Variants in SNX24 observed in about 807,000 individuals in gnomAD.
SNX24 encodes sorting nexin-24.
In SNX24, 22 loss-of-function variants were observed where a neutral mutation model predicts 28.7. The observed-to-expected ratio is 0.77, with a 90% CI of 0.55 to 1.10. The LOEUF is 1.10. Among genes scored for constraint, SNX24 ranks in the 50% least tolerant of loss-of-function variants. The pLI, the probability that SNX24 is intolerant of heterozygous loss-of-function variation, is 0.00. For missense variants in SNX24, 221 were observed against 201.1 expected (o/e 1.10, Z -0.60); for synonymous variants, 69 against 71.5 (o/e 0.96, Z 0.18).
intron 3 of SNX24, among the ~76,000 whole-genome samples, chr5:122,963,531 A>G (rs1760573288): frequency 6.6e-6 from 1 of 152,206 alleles, no homozygotes. Flanking sequence ...TTCTGTGAAT[A>G]TTAGTCCTTT....
chr5:122,886,794 C>T (rs1171114443), intron 1 of SNX24, among the ~76,000 whole-genome samples: 1 of 151,614 alleles, frequency 6.6e-6, no homozygotes, highest in Non-Finnish European at 1.5e-5. Context: ...CACGCCATTG[C>T]ACTCCAGCCT....
chr5:122,884,700 G>GA (rs1318441114), intron 1 of SNX24, among the ~76,000 whole-genome samples: 5 of 152,312 alleles, frequency 3.3e-5, no homozygotes, highest in African/African-American at 7.2e-5. Flanking sequence ...GGGATTAGGA[G>GA]AAAGGTTCTG....
At chr5:122,882,948 G>C (rs1756545909) in intron 1 of SNX24, among the ~76,000 whole-genome samples, 2 of 152,158 alleles carry the variant, frequency 1.3e-5, no homozygotes, top group Non-Finnish European at 2.9e-5. Flanking sequence ...ATTGGAGAAA[G>C]CTGGGCAGGG....
chr5:123,000,031 A>G (rs1167567249), intron 4 of SNX24, 25 bp downstream of exon 4: 3 of 1,418,262 alleles, frequency 2.1e-6, no homozygotes, highest in Middle Eastern at 1.8e-4. Context: ...TGCATATTGG[A>G]TGTGTATTTT....
chr5:122,883,784 G>T (rs958745892), intron 1 of SNX24, among the ~76,000 whole-genome samples: 3 of 152,024 alleles, frequency 2.0e-5, no homozygotes, highest in African/African-American at 7.2e-5. Context: ...GGAATAGCTG[G>T]GACTGCAGGC....
At chr5:123,015,456 C>T (rs1250423067) in intron 5 of SNX24, among the ~76,000 whole-genome samples, 1 of 152,216 alleles carries the variant, frequency 6.6e-6, no homozygotes, top group African/African-American at 2.4e-5. Flanking sequence ...TGGATGATCT[C>T]TTAAATGTCT....
chr5:122,946,225 A>C, intron 3 of SNX24, 66 bp downstream of exon 3: 2 of 862,598 alleles, frequency 2.3e-6, no homozygotes, highest in Non-Finnish European at 3.7e-6. Flanking sequence ...ACTTTTTCTC[A>C]GGACATGTGA....
intron 1 of SNX24, among the ~76,000 whole-genome samples, chr5:122,915,182 C>CT (rs917808960): frequency 2.6e-5 from 4 of 152,306 alleles, no homozygotes; most frequent in Admixed American, 2.6e-4. Context: ...ACCTAATCAT[C>CT]TTTTAAAATT....
chr5:123,003,763 G>A (rs2150178204), intron 6 of SNX24, among the ~76,000 whole-genome samples: 1 of 152,320 alleles, frequency 6.6e-6, no homozygotes, highest in South Asian at 2.1e-4. Flanking sequence ...TCTTGAATTG[G>A]AAAGAGTAAA....
At chr5:122,955,462 A>C (rs1385379539) in intron 3 of SNX24, among the ~76,000 whole-genome samples, 1 of 152,158 alleles carries the variant, frequency 6.6e-6, no homozygotes, top group Non-Finnish European at 1.5e-5. Flanking sequence ...TTCTGATTGA[A>C]TCTTATACAT....
chr5:122,916,538 T>C (rs1400149163), intron 1 of SNX24, among the ~76,000 whole-genome samples: 1 of 152,252 alleles, frequency 6.6e-6, no homozygotes, highest in Non-Finnish European at 1.5e-5. Flanking sequence ...TTCTGAGCCT[T>C]GATCCTGATG....
At chr5:122,956,230 C>T (rs1381689955) in intron 3 of SNX24, among the ~76,000 whole-genome samples, 3 of 152,028 alleles carry the variant, frequency 2.0e-5, no homozygotes, top group Non-Finnish European at 4.4e-5. Flanking sequence ...ATATGTGGTG[C>T]CAGCCGCTTC....
At chr5:122,965,408 G>T in intron 3 of SNX24, 1 of 454,124 alleles carries the variant, frequency 2.2e-6, no homozygotes, top group Non-Finnish European at 4.4e-6. Flanking sequence ...GAACAAATAA[G>T]GAAAGATTAA....
At chr5:122,875,335 C>A (rs1208385013) in intron 1 of SNX24, among the ~76,000 whole-genome samples, 2 of 152,166 alleles carry the variant, frequency 1.3e-5, no homozygotes, top group Non-Finnish European at 2.9e-5. Context: ...CCACAGAACT[C>A]AGATATTAAG....
intron 3 of SNX24, among the ~76,000 whole-genome samples, chr5:122,998,878 C>T (rs945720100): frequency 1.3e-5 from 2 of 152,184 alleles, no homozygotes; most frequent in African/African-American, 2.4e-5. Context: ...TATTCCTGAT[C>T]AGTTGTGTGA....
chr5:122,864,394 G>T (rs115835547), intron 1 of SNX24, among the ~76,000 whole-genome samples: 82 of 152,236 alleles, frequency 5.4e-4, no homozygotes, highest in African/African-American at 1.9e-3. Context: ...CCGCCCAATG[G>T]GTTCACCTTT....
At chr5:122,943,894 CTA>C (rs1463567993) in intron 2 of SNX24, among the ~76,000 whole-genome samples, 8 of 152,296 alleles carry the variant, frequency 5.3e-5, no homozygotes, top group African/African-American at 1.9e-4. Flanking sequence ...GTCATCTCCT[CTA>C]TTTCCACAGC....
At chr5:122,913,666 G>A (rs1224434803) in intron 1 of SNX24, among the ~76,000 whole-genome samples, 5 of 151,620 alleles carry the variant, frequency 3.3e-5, no homozygotes, top group East Asian at 1.9e-4. Flanking sequence ...CTTCTCAGAC[G>A]GGGCAGCCGG....
chr5:122,964,934 T>G (rs1760656003), intron 3 of SNX24, among the ~76,000 whole-genome samples: 2 of 152,166 alleles, frequency 1.3e-5, no homozygotes, highest in Admixed American at 6.5e-5. Context: ...TGCTATTGAA[T>G]TTTTTAGGTT....
Sources: gnomAD v4.1 joint callset for allele counts (sites outside exome capture counted in the v4.1 genomes callset) on GRCh38, gnomAD v4.1.1 for gene constraint, MANE v1.5 for transcripts, NCBI Gene and HGNC (gene_info 2026-07-23, HGNC 2026-07-21) for gene names.